Variants in WIPI1 observed in about 807,000 individuals in gnomAD.
WIPI1 encodes WD repeat domain, phosphoinositide interacting 1, also known as WD repeat domain phosphoinositide-interacting protein 1.
Under a neutral mutation model 55.3 loss-of-function variants are expected in WIPI1, and 45 were observed. The observed-to-expected ratio is 0.81, with a 90% CI of 0.64 to 1.04. The LOEUF (loss-of-function observed/expected upper bound fraction) is 1.04, where lower values mean the gene tolerates loss of function less well. Ranked by LOEUF, WIPI1 falls within the 50% of genes least tolerant of loss-of-function variation. The probability of loss-of-function intolerance (pLI) is 0.00; values close to 1 mark genes in which losing one functional copy is unlikely to be tolerated. For missense variants in WIPI1, 445 were observed against 559.0 expected, an observed-to-expected ratio of 0.80 and a Z score of 2.06; for synonymous variants, 195 against 217.6, an observed-to-expected ratio of 0.90 and a Z score of 0.92.
chr17:68,426,261 T>C, intron 11 of WIPI1, 86 bp from the exon 12 acceptor site: 1 of 934,408 alleles, frequency 1.1e-6, no homozygotes, highest in South Asian at 1.3e-5. Context: ...GGGGCTCAAA[T>C]AAAGGGCAAA....
At chr17:68,433,760 GTTTTTTTTTTTTTTT>G (rs556777098) in intron 7 of WIPI1, among the ~76,000 whole-genome samples, 185 bp from the exon 8 acceptor site, 12 of 72,822 alleles carry the variant, frequency 1.6e-4, no homozygotes, top group East Asian at 6.0e-4. Context: ...AAGGGTCATA[GTTTTTTTTTTTTTTT>G]TTTTTTTTTT....
intron 4 of WIPI1, chr17:68,440,822 T>TAA (rs2084042665): frequency 6.6e-6 from 1 of 152,220 alleles, no homozygotes. Flanking sequence ...TGTCAAACTT[T>TAA]AGGTAAGTTA....
chr17:68,437,010 A>ATGTGTGTGTGTGTGTGTG (rs758693659), intron 4 of WIPI1, among the ~76,000 whole-genome samples: 11 of 77,906 alleles, frequency 1.4e-4, no homozygotes, highest in African/African-American at 6.1e-4. Context: ...AAAAAAATAT[A>ATGTGTGTGTGTGTGTGTG]TATATATGTG....
Position 68,421,654 on chromosome 17 carries a change from A to T in WIPI1, c.*119T>A. On this transcript the variant is annotated 3_prime_UTR_variant, in exon 13 of 13. Coordinates refer to ENST00000262139, the MANE Select transcript of WIPI1 (RefSeq NM_017983.7). ...GGTCCTGTGGTTTAAGCAGTGGAGC[A>T]CCCGGGATTCCTGCCCCCCTTTCTG... The T allele has an allele frequency of 7.2e-7, 1 of 1,395,148 alleles. No individual in the cohort carries two copies. The highest frequency in any genetic ancestry group is 1.0e-6 in the Non-Finnish European group (1 of 988,398). 86.4% of individuals were successfully genotyped at this position (1,395,148 alleles called of 1,614,324 possible).
intron 8 of WIPI1, among the ~76,000 whole-genome samples, chr17:68,431,217 G>C (rs1053200027): frequency 6.6e-6 from 1 of 152,192 alleles, no homozygotes; most frequent in African/African-American, 2.4e-5. Context: ...GATGGTCCAG[G>C]CAGGAGCTAG....
intron 4 of WIPI1, among the ~76,000 whole-genome samples, chr17:68,436,854 C>A (rs2083816094): frequency 6.6e-6 from 1 of 152,004 alleles, no homozygotes; most frequent in Non-Finnish European, 1.5e-5. Flanking sequence ...AATAGCTGGG[C>A]ATGGTGGTGC....
At chr17:68,433,073 T>C (rs1400064977) in intron 8 of WIPI1, among the ~76,000 whole-genome samples, 1 of 152,256 alleles carries the variant, frequency 6.6e-6, no homozygotes, top group Non-Finnish European at 1.5e-5. Context: ...TATATTGTTA[T>C]ATTTACAGCT....
chr17:68,434,657 A>C, intron 6 of WIPI1, 31 bp from the exon 7 acceptor site: 1 of 1,611,260 alleles, frequency 6.2e-7, no homozygotes, highest in Non-Finnish European at 8.5e-7. Flanking sequence ...ACATTTCATA[A>C]CCATTAGTGG....
At chr17:68,429,601 T>C (rs1044475834) in intron 9 of WIPI1, among the ~76,000 whole-genome samples, 4 of 152,170 alleles carry the variant, frequency 2.6e-5, no homozygotes, top group African/African-American at 9.7e-5. Flanking sequence ...TTTCTTTTTC[T>C]TTTTTGAGAT....
At position 68,421,461 on chromosome 17, in the gene WIPI1, A is replaced by T. The variant is rs1486369557; in HGVS notation, c.*312T>A. 2.8e-6 allele frequency: 1 copy of T among 362,900 alleles called. No individual in the cohort carries two copies. The highest frequency in any genetic ancestry group is 5.2e-6 in the Non-Finnish European group (1 of 194,054). 22.5% of individuals were successfully genotyped at this position (362,900 alleles called of 1,614,324 possible). On this transcript the variant is annotated 3_prime_UTR_variant, in exon 13 of 13. Coordinates refer to ENST00000262139, the MANE Select transcript of WIPI1 (RefSeq NM_017983.7). ...TAAGTACATTTTTTACACGGCATAT[A>T]TTTAAAAAGGAGGCCCCTTTTAATA...
At chr17:68,445,817 C>A (rs1241901680) in intron 3 of WIPI1, among the ~76,000 whole-genome samples, 1 of 152,220 alleles carries the variant, frequency 6.6e-6, no homozygotes, top group Non-Finnish European at 1.5e-5. Flanking sequence ...AGCTGCCGAC[C>A]ACCCCTGCAC....
intron 11 of WIPI1, 79 bp from the exon 12 acceptor site, chr17:68,426,254 G>GCCCCCCCCCCC: frequency 1.2e-6 from 1 of 816,876 alleles, no homozygotes; most frequent in East Asian, 3.5e-5. Context: ...GGGAGCGGGG[G>GCCCCCCCCCCC]CTCAAATAAA....
chr17:68,444,214 G>A (rs1055438940), intron 4 of WIPI1, among the ~76,000 whole-genome samples: 2 of 152,154 alleles, frequency 1.3e-5, no homozygotes, highest in Non-Finnish European at 2.9e-5. Flanking sequence ...TCTTTTACAT[G>A]TCTACCTTAC....
At position 68,425,948 on chromosome 17, in the gene WIPI1, A is replaced by T. The variant is rs2083139670; in HGVS notation, c.1293+127T>A. On this transcript the variant is annotated intron_variant, in intron 12 of 12. Coordinates refer to ENST00000262139, the MANE Select transcript of WIPI1 (RefSeq NM_017983.7). Reference sequence around the variant, plus strand: ...ACAAATATCCTATGGCTTTCCAAATACTAGAGCAGAGAATTAGTTGTTATA... The same window carrying T: ...ACAAATATCCTATGGCTTTCCAAATTCTAGAGCAGAGAATTAGTTGTTATA... 5.5e-6 allele frequency: 4 copies of T among 723,588 alleles called. No individual in the cohort carries two copies. In the East Asian group the frequency reaches 7.9e-5, roughly 14 times the overall value. The allele number at this position is 723,588 out of a possible 1,614,324, so 44.8% of individuals were successfully genotyped here.
intron 12 of WIPI1, among the ~76,000 whole-genome samples, chr17:68,424,040 C>T (rs1218092190): frequency 8.5e-5 from 13 of 152,226 alleles, no homozygotes; most frequent in East Asian, 7.7e-4. Context: ...CTGGAAGCCT[C>T]GACTTCAGGT....
intron 10 of WIPI1, chr17:68,428,160 A>C (rs1317061233): frequency 6.6e-6 from 1 of 151,894 alleles, no homozygotes; most frequent in Non-Finnish European, 1.5e-5. Context: ...GGCCTCCCAA[A>C]GTATTGGGAT....
At chr17:68,442,323 G>T (rs2084111961) in intron 4 of WIPI1, among the ~76,000 whole-genome samples, 1 of 151,990 alleles carries the variant, frequency 6.6e-6, no homozygotes, top group Admixed American at 6.6e-5. Context: ...AAATTAGCTG[G>T]GTGTGGTGGT....
rs535564768 is a variant in WIPI1 at position 68,431,891 on chromosome 17, G to A, written c.800+1577C>T. ...TCTGATAATAATCCCCAGTGGAGGC[G>A]GGGCTGCAGCAGCAATTGCGATCAC... On this transcript the variant is annotated intron_variant, in intron 8 of 12. Coordinates refer to ENST00000262139, the MANE Select transcript of WIPI1 (RefSeq NM_017983.7). Among the ~76,000 whole-genome samples the A allele has an allele frequency of 1.2e-4, 19 of 152,192 alleles. No homozygotes were observed. The East Asian group carries it at 1.7e-3, about 14-fold the overall frequency.
intron 3 of WIPI1, among the ~76,000 whole-genome samples, chr17:68,450,217 C>T (rs1489876222): frequency 1.3e-5 from 2 of 152,104 alleles, no homozygotes; most frequent in East Asian, 1.9e-4. Context: ...AATGAGAACC[C>T]AAGGCTGAAT....
Sources: allele counts gnomAD v4.1 joint callset (sites outside exome capture counted in the v4.1 genomes callset), GRCh38; gene constraint gnomAD v4.1.1; transcripts MANE v1.5; gene names NCBI Gene and HGNC (gene_info 2026-07-23, HGNC 2026-07-21).